The following CHL1 variants were observed in gnomAD, a reference collection of about 807,000 sequenced individuals.
CHL1 encodes the protein cell adhesion molecule L1 like, also known as neural cell adhesion molecule L1-like protein.
Under a neutral mutation model 141.9 loss-of-function variants are expected in CHL1, and 96 were observed. That is an observed-to-expected ratio of 0.68 (90% CI 0.57 to 0.80). The LOEUF (loss-of-function observed/expected upper bound fraction) is 0.80, where lower values mean the gene tolerates loss of function less well. Ranked by LOEUF, CHL1 falls within the 30% of genes least tolerant of loss-of-function variation. CHL1 has a pLI of 0.00. For missense variants in CHL1, 1,820 were observed against 1,457.2 expected, an observed-to-expected ratio of 1.25 and a Z score of -4.05; for synonymous variants, 613 against 502.2, an observed-to-expected ratio of 1.22 and a Z score of -2.95.
chr3:383,498 T>TAA lies in CHL1; in HGVS notation c.2177-318_2177-317insAA, dbSNP rs202235703. Among the ~76,000 whole-genome samples, 15 of 152,240 alleles carry TAA rather than the reference T, an allele frequency of 9.9e-5. 1 individual carries two copies. The highest frequency in any genetic ancestry group is 3.4e-4 in the African/African-American group (14 of 41,556). On this transcript the variant is annotated intron_variant, in intron 18 of 27. Transcript: ENST00000256509. ...AGCAGGCTTAAATTAAAATTTTTTT[T>TAA]TAAAAAAGCAGGTTCAGAATTTTAA...
chr3:276,843 CAT>C (rs779032470), intron 2 of CHL1, among the ~76,000 whole-genome samples: 115 of 134,382 alleles, frequency 8.6e-4, no homozygotes, highest in Middle Eastern at 4.8e-3. Context: ...GAGCCGAGAT[CAT>C]GCCACTGCAC....
intron 1 of CHL1, among the ~76,000 whole-genome samples, chr3:226,267 C>A (rs2125012754): frequency 6.7e-6 from 1 of 149,638 alleles, no homozygotes; most frequent in South Asian, 2.1e-4. Context: ...TGTGATCCGC[C>A]TGCTTCGGCC....
intron 5 of CHL1, among the ~76,000 whole-genome samples, chr3:337,244 G>C (rs1468889484): frequency 7.0e-6 from 1 of 143,494 alleles, no homozygotes; most frequent in Non-Finnish European, 1.5e-5. Flanking sequence ...AGGCTGGAGG[G>C]CAGTGGCACA....
chr3:274,271 T>C (rs533602107), intron 2 of CHL1, among the ~76,000 whole-genome samples: 1 of 152,180 alleles, frequency 6.6e-6, no homozygotes. Context: ...GAGTACCACA[T>C]GCAATTTCTG....
intron 1 of CHL1, among the ~76,000 whole-genome samples, chr3:215,522 T>TAAACAGA (rs1700243186): frequency 6.6e-6 from 1 of 152,160 alleles, no homozygotes; most frequent in Non-Finnish European, 1.5e-5. Flanking sequence ...AGTATTATAG[T>TAAACAGA]TTGTATTTCC....
chr3:251,066 T>G (rs77702764), intron 2 of CHL1, among the ~76,000 whole-genome samples: 3,318 of 152,254 alleles, frequency 0.022, 123 homozygotes, highest in African/African-American at 0.077. Flanking sequence ...GCTGCTCTAA[T>G]AAGCGCCAGA....
intron 1 of CHL1, among the ~76,000 whole-genome samples, chr3:218,397 A>G (rs541579791): frequency 1.3e-5 from 2 of 152,310 alleles, no homozygotes; most frequent in East Asian, 3.9e-4. Context: ...TATCAAATGG[A>G]GTTTGGATAT....
rs1410898793 is a variant in CHL1 at position 391,866 on chromosome 3, A to G, written c.2914+69A>G. The G allele has an allele frequency of 9.6e-6, 12 of 1,244,148 alleles. No individual in the cohort carries two copies. In the Admixed American group the frequency reaches 2.0e-4, roughly 21 times the overall value. 77.1% of individuals were successfully genotyped at this position (1,244,148 alleles called of 1,614,324 possible). On this transcript the variant is annotated intron_variant, in intron 23 of 27. Coordinates refer to ENST00000256509, the MANE Select transcript of CHL1 (RefSeq NM_006614.4). Reference sequence around the variant, plus strand: ...TTTTTGGTTGAATATTCTCTGTGCTATGTTGGGAGTCTAATGATCACTTAA... The same window carrying G: ...TTTTTGGTTGAATATTCTCTGTGCTGTGTTGGGAGTCTAATGATCACTTAA...
intron 12 of CHL1, among the ~76,000 whole-genome samples, chr3:361,244 G>C (rs895445046): frequency 6.7e-6 from 1 of 150,238 alleles, no homozygotes; most frequent in Non-Finnish European, 1.5e-5. Flanking sequence ...AGACTTAAAC[G>C]TTAGACCTAA....
chr3:314,432 G>T (rs1410661260), intron 2 of CHL1, among the ~76,000 whole-genome samples: 1 of 141,742 alleles, frequency 7.1e-6, no homozygotes, highest in African/African-American at 2.6e-5. Context: ...ACCTAAATTA[G>T]CTATTTCTAC....
chr3:281,161 T>G (rs1420076332), intron 2 of CHL1, among the ~76,000 whole-genome samples: 3 of 152,182 alleles, frequency 2.0e-5, no homozygotes, highest in Non-Finnish European at 4.4e-5. Context: ...AACAAGGAAT[T>G]ATTCAGTTGG....
intron 2 of CHL1, among the ~76,000 whole-genome samples, chr3:314,776 G>A (rs888443899): frequency 2.0e-5 from 3 of 152,044 alleles, no homozygotes; most frequent in East Asian, 1.9e-4. Flanking sequence ...AAGGTGCAAG[G>A]CTTCTTGAGG....
rs117958907 is a variant in CHL1, at chr3:368,864, C to T, written c.1751+2749C>T. Among the ~76,000 whole-genome samples the T allele has an allele frequency of 7.9e-5, 12 of 152,124 alleles. No homozygotes were observed. The East Asian group carries it at 1.9e-3, about 24-fold the overall frequency. On this transcript the variant is annotated intron_variant, in intron 15 of 27. Coordinates refer to ENST00000256509, the MANE Select transcript of CHL1 (RefSeq NM_006614.4). Reference sequence around the variant, plus strand: ...GTTGAATAGGAGATCCTTTCCCCAGCGCTTCGATTTGTCAGTTTTGTCAAA... The same window carrying T: ...GTTGAATAGGAGATCCTTTCCCCAGTGCTTCGATTTGTCAGTTTTGTCAAA...
At chr3:271,922 T>C (rs1001335295) in intron 2 of CHL1, among the ~76,000 whole-genome samples, 2 of 152,206 alleles carry the variant, frequency 1.3e-5, no homozygotes, top group African/African-American at 4.8e-5. Flanking sequence ...ACATTTCCAT[T>C]TGGTAGTCAT....
intron 3 of CHL1, among the ~76,000 whole-genome samples, chr3:322,262 T>A (rs753590889): frequency 2.4e-4 from 37 of 151,802 alleles, no homozygotes; most frequent in Non-Finnish European, 4.4e-4. Flanking sequence ...CATAACCTGG[T>A]AAAACTCACT....
chr3:315,349 A>G (rs1559241951), intron 2 of CHL1, among the ~76,000 whole-genome samples: 1 of 152,146 alleles, frequency 6.6e-6, no homozygotes, highest in East Asian at 1.9e-4. Flanking sequence ...ATCACTGCAC[A>G]TCACTTTGTC....
intron 1 of CHL1, among the ~76,000 whole-genome samples, chr3:229,518 T>A (rs1167532259): frequency 1.3e-5 from 2 of 152,156 alleles, no homozygotes; most frequent in East Asian, 3.9e-4. Context: ...TTCAAAGAAG[T>A]GTTGGCTAAG....
intron 15 of CHL1, among the ~76,000 whole-genome samples, chr3:376,666 T>C (rs1394537236): frequency 6.6e-6 from 1 of 152,244 alleles, no homozygotes; most frequent in African/African-American, 2.4e-5. Flanking sequence ...TTCAAGAGGT[T>C]ATTAAAGTAT....
chr3:271,546 G>A (rs146267649), intron 2 of CHL1, among the ~76,000 whole-genome samples: 9 of 152,114 alleles, frequency 5.9e-5, no homozygotes, highest in Non-Finnish European at 1.0e-4. Context: ...AGAATTTCTC[G>A]CAAGATATAA....
Sources: gnomAD v4.1 joint callset for allele counts (sites outside exome capture counted in the v4.1 genomes callset) on GRCh38, gnomAD v4.1.1 for gene constraint, MANE v1.5 for transcripts, NCBI Gene and HGNC (gene_info 2026-07-23, HGNC 2026-07-21) for gene names.